Variants in PCDHGA7 observed in about 807,000 individuals in gnomAD.
The protein encoded by PCDHGA7 is protocadherin gamma subfamily A, 7, also known as protocadherin gamma-A7.
PCDHGA7 carries 44 observed loss-of-function variants against 58.3 expected under a neutral mutation model. The observed-to-expected ratio is 0.75, with a 90% CI of 0.59 to 0.97. The LOEUF is 0.97. PCDHGA7 is among the 50% of genes least tolerant of loss of function. The pLI is 0.00. For missense variants in PCDHGA7, 1,266 were observed against 1,188.7 expected (o/e 1.06, Z -0.96); for synonymous variants, 516 against 504.2 (o/e 1.02, Z -0.31).
At chr5:141,450,006 C>CTT (rs1554136305) in intron 1 of PCDHGA7, among the ~76,000 whole-genome samples, 6 of 132,984 alleles carry the variant, frequency 4.5e-5, no homozygotes, top group East Asian at 2.2e-4. Flanking sequence ...TGCCATGTCT[C>CTT]TTTTTTTTTT....
chr5:141,404,174 C>A, intron 1 of PCDHGA7: 1 of 1,613,138 alleles, frequency 6.2e-7, no homozygotes, highest in Non-Finnish European at 8.5e-7. Flanking sequence ...GTTGACGGCC[C>A]AAATTCTTGA....
intron 1 of PCDHGA7, among the ~76,000 whole-genome samples, chr5:141,492,781 T>C (rs945023154): frequency 9.9e-5 from 15 of 152,194 alleles, no homozygotes; most frequent in African/African-American, 3.6e-4. Flanking sequence ...TGAGTGAGCC[T>C]CTATAGGACA....
intron 1 of PCDHGA7, chr5:141,403,027 G>C: frequency 1.2e-6 from 2 of 1,614,070 alleles, no homozygotes; most frequent in Non-Finnish European, 1.7e-6. Flanking sequence ...TGCTATGGGA[G>C]GCCAGGGCCA....
intron 1 of PCDHGA7, chr5:141,398,685 G>T: frequency 6.2e-7 from 1 of 1,613,966 alleles, no homozygotes; most frequent in Non-Finnish European, 8.5e-7. Flanking sequence ...AGGAGAAACA[G>T]GATGGTAGTA....
chr5:141,433,001 G>T, intron 1 of PCDHGA7: 1 of 1,614,156 alleles, frequency 6.2e-7, no homozygotes, highest in African/African-American at 1.3e-5. Flanking sequence ...CGGGGTGCAG[G>T]CTTTCCTGCA....
At chr5:141,447,696 G>A (rs1273958794) in intron 1 of PCDHGA7, among the ~76,000 whole-genome samples, 1 of 152,096 alleles carries the variant, frequency 6.6e-6, no homozygotes, top group Non-Finnish European at 1.5e-5. Context: ...TAGAGGGATG[G>A]GTTATAAGGA....
chr5:141,459,579 T>G (rs1047850142), intron 1 of PCDHGA7, among the ~76,000 whole-genome samples: 2 of 152,212 alleles, frequency 1.3e-5, no homozygotes, highest in African/African-American at 4.8e-5. Context: ...AGAATTGTTT[T>G]GGGGGTCATA....
At chr5:141,494,514 G>T (rs1457018569) in intron 1 of PCDHGA7, among the ~76,000 whole-genome samples, 2 of 152,160 alleles carry the variant, frequency 1.3e-5, no homozygotes, top group South Asian at 2.1e-4. Context: ...TTTTGGCTCA[G>T]GAGTTCTGAC....
chr5:141,491,980 C>T lies in PCDHGA7; in HGVS notation c.2425-2827C>T. ...AAAAAAGGCCGGGGCCTCCTTCGAG[C>T]TTCCGGTGAATTTCGGGCGATTTCC... On this transcript the variant is annotated intron_variant, in intron 1 of 3. Transcript: ENST00000518325. The surrounding 1 kb of genome is among the most constrained non-coding windows in gnomAD (Gnocchi z 6.9). The T allele has an allele frequency of 2.5e-6, 2 of 784,432 alleles. No individual in the cohort carries two copies. The highest frequency in any genetic ancestry group is 3.8e-6 in the Non-Finnish European group (2 of 530,588). 48.6% of individuals were successfully genotyped at this position (784,432 alleles called of 1,614,324 possible). A position where few individuals can be genotyped will look rare whatever the true frequency, so the allele number is the denominator to read the frequency against.
Position 141,490,177 on chromosome 5 carries a change from T to C in PCDHGA7, c.2425-4630T>C, listed in dbSNP as rs780298274. 12 of 1,613,622 alleles carry C rather than the reference T, an allele frequency of 7.4e-6. No individual in the cohort carries two copies. The highest frequency in any genetic ancestry group is 1.0e-5 in the Non-Finnish European group (12 of 1,179,932). On this transcript the variant is annotated intron_variant, in intron 1 of 3. Transcript: ENST00000518325. This position sits in a 1 kb window ranked among gnomAD's most constrained non-coding sequence, Gnocchi z 5.4. The stretch of plus-strand genomic sequence containing the variant: ...GTTGGGTCCCATAGACTTTGAGGAG[T>C]CACGTTTCTATGAAATTCATGCAAG...
chr5:141,386,939 A>T (rs2150323633), intron 1 of PCDHGA7, among the ~76,000 whole-genome samples: 1 of 152,358 alleles, frequency 6.6e-6, no homozygotes, highest in South Asian at 2.1e-4. Flanking sequence ...AGAGGTAGGA[A>T]GCAGTGCTTC....
chr5:141,417,678 A>G (rs1306009640), intron 1 of PCDHGA7: 4 of 997,368 alleles, frequency 4.0e-6, no homozygotes, highest in Non-Finnish European at 5.7e-6. Flanking sequence ...GCAGCCAACA[A>G]CAGAAAAGAA....
At chr5:141,422,606 C>T in intron 1 of PCDHGA7, 1 of 1,613,904 alleles carries the variant, frequency 6.2e-7, no homozygotes, top group Non-Finnish European at 8.5e-7. Flanking sequence ...TCTTACTCTG[C>T]CTACATTCCC....
intron 1 of PCDHGA7, among the ~76,000 whole-genome samples, chr5:141,438,296 A>G (rs902991313): frequency 6.6e-6 from 1 of 152,034 alleles, no homozygotes; most frequent in Non-Finnish European, 1.5e-5. Context: ...CTGTATGTAA[A>G]AGAAGTTGGT....
intron 1 of PCDHGA7, chr5:141,427,798 T>C: frequency 6.6e-7 from 1 of 1,506,550 alleles, no homozygotes; most frequent in South Asian, 1.1e-5. Flanking sequence ...TACGTGTCCG[T>C]GAGCGCACAG....
Position 141,447,434 on chromosome 5 carries a change from G to A in PCDHGA7, c.2425-47373G>A, listed in dbSNP as rs114249648. ...ATTACAGGCGTGAGCCACCGCACCC[G>A]GAGGAAATTTTTAACCTCAGTTTTT... On this transcript the variant is annotated intron_variant, in intron 1 of 3. Transcript: ENST00000518325. 2.8e-3 allele frequency among the ~76,000 whole-genome samples: 425 copies of A among 152,164 alleles called. 1 individual carries two copies. The highest frequency in any genetic ancestry group is 9.5e-3 in the African/African-American group (394 of 41,546).
At chr5:141,428,147 G>T (rs771536400) in intron 1 of PCDHGA7, 1 of 1,589,612 alleles carries the variant, frequency 6.3e-7, no homozygotes, top group South Asian at 1.1e-5. Flanking sequence ...GGCTGCACAC[G>T]GGAACCTGCT....
chr5:141,421,617 C>T, intron 1 of PCDHGA7: 3 of 1,613,768 alleles, frequency 1.9e-6, no homozygotes, highest in African/African-American at 1.3e-5. Context: ...TTAATGATAA[C>T]GCCCCCAGCT....
rs780380650 is a variant in PCDHGA7 at position 141,432,715 on chromosome 5, C to G, written c.2424+47392C>G. 2.5e-6 allele frequency: 4 copies of G among 1,613,996 alleles called. No homozygotes were observed. Among genetic ancestry groups the G allele is most frequent in the Non-Finnish European group, 3.4e-6 (4 of 1,179,970 alleles). On this transcript the variant is annotated intron_variant, in intron 1 of 3. Transcript: ENST00000518325. The surrounding 1 kb of genome is among the most constrained non-coding windows in gnomAD (Gnocchi z 6.0). ...TGGCCGTCCAGGACCACGGCCAGCC[C>G]CCTCTCTCCGCCACTGTCACGCTCA... is the stretch of plus-strand genomic sequence containing the variant.
Sources: allele counts gnomAD v4.1 joint callset (sites outside exome capture counted in the v4.1 genomes callset), GRCh38; gene constraint gnomAD v4.1.1; non-coding constraint Gnocchi (gnomAD v3.1); transcripts MANE v1.5; gene names NCBI Gene and HGNC (gene_info 2026-07-23, HGNC 2026-07-21).